The following CDH13 variants were observed in gnomAD, a reference collection of about 807,000 sequenced individuals.
CDH13 encodes the protein cadherin-13.
In CDH13, 24 loss-of-function variants were observed where a neutral mutation model predicts 63.8. The ratio of observed to expected loss-of-function variants is 0.38; its 90% confidence interval spans 0.27 to 0.53. The LOEUF is 0.53. Among genes scored for constraint, CDH13 ranks in the 20% least tolerant of loss-of-function variants. The pLI is 0.85. For synonymous variants in CDH13, 503 were observed against 355.3 expected (o/e 1.42, Z -4.67); for missense variants, 1,049 against 903.1 (o/e 1.16, Z -2.07).
At chr16:83,562,384 C>G (rs1479852907) in intron 7 of CDH13, among the ~76,000 whole-genome samples, 1 of 152,188 alleles carries the variant, frequency 6.6e-6, no homozygotes, top group Non-Finnish European at 1.5e-5. Context: ...ACAGCACCAA[C>G]TTCTTTTCTT....
At chr16:83,441,476 T>C (rs2072478410) in intron 6 of CDH13, among the ~76,000 whole-genome samples, 1 of 152,252 alleles carries the variant, frequency 6.6e-6, no homozygotes, top group Non-Finnish European at 1.5e-5. Flanking sequence ...GGGATGGTTT[T>C]AATTTTCCCA....
intron 5 of CDH13, among the ~76,000 whole-genome samples, chr16:83,228,630 G>C (rs1352511279): frequency 6.6e-6 from 1 of 150,564 alleles, no homozygotes; most frequent in East Asian, 1.9e-4. Flanking sequence ...GGGGCAGGAA[G>C]GGTTTTGTGA....
intron 4 of CDH13, among the ~76,000 whole-genome samples, chr16:83,168,185 A>G (rs1306289181): frequency 1.3e-5 from 2 of 152,084 alleles, no homozygotes; most frequent in African/African-American, 4.8e-5. Context: ...TACCCGCTGA[A>G]TCTAAAACGA....
At chr16:83,591,603 T>C (rs1041661036) in intron 7 of CDH13, among the ~76,000 whole-genome samples, 6 of 152,182 alleles carry the variant, frequency 3.9e-5, no homozygotes, top group African/African-American at 9.6e-5. Context: ...TCCACTCTTA[T>C]TCCCAGGCCC....
At chr16:82,648,659 G>A (rs1222974937) in intron 1 of CDH13, among the ~76,000 whole-genome samples, 4 of 152,190 alleles carry the variant, frequency 2.6e-5, no homozygotes, top group African/African-American at 7.2e-5. Flanking sequence ...TTTTGTTCAT[G>A]CGTTGGGATT....
At chr16:83,509,388 T>C (rs1222058037) in intron 7 of CDH13, among the ~76,000 whole-genome samples, 1 of 152,210 alleles carries the variant, frequency 6.6e-6, no homozygotes, top group Non-Finnish European at 1.5e-5. Flanking sequence ...AAGGGCCAGA[T>C]AGTAAGTATT....
chr16:82,949,882 T>C (rs1170673285), intron 2 of CDH13, among the ~76,000 whole-genome samples: 1 of 152,144 alleles, frequency 6.6e-6, no homozygotes, highest in Non-Finnish European at 1.5e-5. Context: ...TTCAAGATCC[T>C]GACCAATTGG....
At chr16:82,880,273 C>G (rs925497328) in intron 2 of CDH13, among the ~76,000 whole-genome samples, 1 of 152,068 alleles carries the variant, frequency 6.6e-6, no homozygotes, top group Admixed American at 6.6e-5. Context: ...ACCCTGTAAA[C>G]CGGCTTTCAG....
chr16:83,360,228 G>T, intron 6 of CDH13, among the ~76,000 whole-genome samples: 1 of 152,192 alleles, frequency 6.6e-6, no homozygotes, highest in East Asian at 1.9e-4. Flanking sequence ...GTCAAGATTA[G>T]TCTTGAGTTA....
chr16:83,425,808 C>G (rs959849885), intron 6 of CDH13, among the ~76,000 whole-genome samples: 2 of 151,862 alleles, frequency 1.3e-5, no homozygotes, highest in African/African-American at 4.8e-5. Flanking sequence ...TACTTCCTTT[C>G]TTTTTTTCTT....
intron 2 of CDH13, among the ~76,000 whole-genome samples, chr16:82,904,497 G>A (rs1486728431): frequency 2.0e-5 from 3 of 152,184 alleles, no homozygotes; most frequent in Admixed American, 2.0e-4. Context: ...TTGAGACGGG[G>A]GAAAACTATT....
chr16:83,265,256 C>G (rs549487473), intron 5 of CDH13, among the ~76,000 whole-genome samples: 4 of 152,180 alleles, frequency 2.6e-5, no homozygotes, highest in Non-Finnish European at 5.9e-5. Context: ...CTCTGTTTGC[C>G]TTTGTCCTGT....
chr16:83,491,045 C>G (rs1244748672), intron 7 of CDH13, among the ~76,000 whole-genome samples: 2 of 152,186 alleles, frequency 1.3e-5, no homozygotes, highest in Non-Finnish European at 2.9e-5. Context: ...TGTATTATCT[C>G]AGAACATTCT....
At chr16:82,817,958 T>C (rs1474003359) in intron 1 of CDH13, among the ~76,000 whole-genome samples, 2 of 151,984 alleles carry the variant, frequency 1.3e-5, no homozygotes, top group Non-Finnish European at 2.9e-5. Flanking sequence ...TATATATATA[T>C]ATGTATGTAT....
chr16:83,237,205 G>C (rs564207308), intron 5 of CDH13, among the ~76,000 whole-genome samples: 15 of 152,308 alleles, frequency 9.8e-5, no homozygotes, highest in African/African-American at 3.6e-4. Context: ...AGGTCACCAA[G>C]GGAAGGCAGA....
chr16:83,276,607 G>C (rs138907913), intron 5 of CDH13, among the ~76,000 whole-genome samples: 1 of 152,068 alleles, frequency 6.6e-6, no homozygotes, highest in Admixed American at 6.5e-5. Context: ...GTGGTGGCTC[G>C]CGCCTGTAAT....
chr16:82,873,631 G>A (rs985898472), intron 2 of CDH13, among the ~76,000 whole-genome samples: 13 of 152,176 alleles, frequency 8.5e-5, no homozygotes, highest in African/African-American at 2.9e-4. Flanking sequence ...GTATTTCAAG[G>A]ATTAAACAAG....
Position 83,193,721 on chromosome 16 carries a change from C to G in CDH13, c.484-23624C>G, listed in dbSNP as rs1216075145. Among the ~76,000 whole-genome samples, 9 of 152,330 alleles carry G rather than the reference C, an allele frequency of 5.9e-5. No homozygotes were observed. The East Asian group carries it at 1.7e-3, about 29-fold the overall frequency. On this transcript the variant is annotated intron_variant, in intron 4 of 13. Coordinates refer to ENST00000567109, the MANE Select transcript of CDH13 (RefSeq NM_001257.5). ...TCACTGGCTCCTTTTCTTTCTTCCT[C>G]TGCATCTTCACCAAGGAGTGGTAGA...
At chr16:83,227,535 AAGCC>A (rs1173619896) in intron 5 of CDH13, among the ~76,000 whole-genome samples, 1 of 152,204 alleles carries the variant, frequency 6.6e-6, no homozygotes, top group East Asian at 1.9e-4. Context: ...CAATGCTGGG[AAGCC>A]AGCCAACCTC....
Sources: gnomAD v4.1 joint callset for allele counts (sites outside exome capture counted in the v4.1 genomes callset) on GRCh38, gnomAD v4.1.1 for gene constraint, MANE v1.5 for transcripts, NCBI Gene and HGNC (gene_info 2026-07-23, HGNC 2026-07-21) for gene names.